The following PDE8A variants were observed in gnomAD, a reference collection of about 807,000 sequenced individuals.
PDE8A encodes phosphodiesterase 8A.
In PDE8A, 59 loss-of-function variants were observed where a neutral mutation model predicts 105.0. The ratio of observed to expected loss-of-function variants is 0.56; its 90% confidence interval spans 0.46 to 0.70. The LOEUF is 0.70. Ranked by LOEUF, PDE8A falls within the 30% of genes least tolerant of loss-of-function variation. The pLI is 0.00. For missense variants in PDE8A, 1,014 were observed against 1,045.9 expected, an observed-to-expected ratio of 0.97 and a Z score of 0.42; for synonymous variants, 355 against 371.9, an observed-to-expected ratio of 0.95 and a Z score of 0.52.
intron 20 of PDE8A, among the ~76,000 whole-genome samples, chr15:85,134,909 G>A (rs1800387942): frequency 6.6e-6 from 1 of 152,188 alleles, no homozygotes; most frequent in Admixed American, 6.5e-5. Context: ...ATGGGAGAAG[G>A]GTGACTGAGT....
In PDE8A at chr15:85,115,477, T is replaced by C; in HGVS notation, c.1389T>C (p.Leu463=). ...LRRLSGNEYV[L]STKNTQMVSS... is the part of the protein sequence containing the mutation. ...GACTATCAGGGAATGAATATGTTCT[T>C]TCAACAAAAAGTAAGTTTTTCCTTT... Residue 463 remains leucine, a synonymous_variant, in exon 15 of 22, where the codon CTT becomes CTC. Transcript: ENST00000394553. 6.6e-7 allele frequency: 1 copy of C among 1,515,834 alleles called. No homozygotes were observed. Among genetic ancestry groups the C allele is most frequent in the Non-Finnish European group, 8.9e-7 (1 of 1,124,810 alleles). 93.9% of individuals were successfully genotyped at this position (1,515,834 alleles called of 1,614,324 possible).
At chr15:85,131,556 T>G (rs566399417) in intron 20 of PDE8A, among the ~76,000 whole-genome samples, 2 of 152,254 alleles carry the variant, frequency 1.3e-5, no homozygotes, top group Non-Finnish European at 2.9e-5. Flanking sequence ...CACTCCATTT[T>G]GTAAATGTCA....
intron 5 of PDE8A, among the ~76,000 whole-genome samples, chr15:85,081,590 G>A (rs1299969200): frequency 1.3e-5 from 2 of 152,130 alleles, no homozygotes; most frequent in African/African-American, 4.8e-5. Context: ...GAGACTAACC[G>A]CTGTTTAAGC....
intron 16 of PDE8A, among the ~76,000 whole-genome samples, chr15:85,117,319 A>C (rs2082111468): frequency 6.6e-6 from 1 of 152,246 alleles, no homozygotes; most frequent in Non-Finnish European, 1.5e-5. Flanking sequence ...GGTTATTTTG[A>C]GGAACCCACT....
intron 1 of PDE8A, among the ~76,000 whole-genome samples, chr15:85,034,282 A>G (rs2080666438): frequency 6.6e-6 from 1 of 152,224 alleles, no homozygotes; most frequent in South Asian, 2.1e-4. Context: ...CTATGTTAGA[A>G]ATCAAGAAAG....
intron 1 of PDE8A, among the ~76,000 whole-genome samples, chr15:85,045,812 T>A (rs2080877839): frequency 6.6e-6 from 1 of 152,152 alleles, no homozygotes; most frequent in Non-Finnish European, 1.5e-5. Flanking sequence ...ATCACATTAT[T>A]TCTCTTTGTC....
intron 2 of PDE8A, among the ~76,000 whole-genome samples, chr15:85,064,773 C>T (rs922790348): frequency 6.6e-6 from 1 of 152,052 alleles, no homozygotes; most frequent in African/African-American, 2.4e-5. Flanking sequence ...TGAAACCAGC[C>T]TGGGCAACAT....
At chr15:85,066,418 G>A (rs931141929) in intron 2 of PDE8A, among the ~76,000 whole-genome samples, 2 of 151,834 alleles carry the variant, frequency 1.3e-5, no homozygotes, top group Non-Finnish European at 2.9e-5. Flanking sequence ...AAAATTAGCC[G>A]GGCATGTGGT....
intron 19 of PDE8A, 96 bp downstream of exon 19, chr15:85,123,289 T>G: frequency 8.7e-7 from 1 of 1,147,370 alleles, no homozygotes; most frequent in Non-Finnish European, 1.3e-6. Context: ...CACAGAAGGG[T>G]TCCCTCAGTG....
At chr15:84,988,034 G>A (rs2079831468) in intron 1 of PDE8A, among the ~76,000 whole-genome samples, 1 of 152,130 alleles carries the variant, frequency 6.6e-6, no homozygotes, top group African/African-American at 2.4e-5. Flanking sequence ...ATTAATAATA[G>A]CCACCATTTC....
At chr15:85,104,252 G>C (rs1360885849) in intron 11 of PDE8A, among the ~76,000 whole-genome samples, 4 of 152,150 alleles carry the variant, frequency 2.6e-5, no homozygotes, top group African/African-American at 9.7e-5. Context: ...TACCACACTG[G>C]AGAAAAGCTG....
At chr15:85,053,417 G>C (rs1300784570) in intron 1 of PDE8A, among the ~76,000 whole-genome samples, 3 of 152,178 alleles carry the variant, frequency 2.0e-5, no homozygotes, top group Non-Finnish European at 4.4e-5. Flanking sequence ...TGGGCAGTGT[G>C]GCCATTTTCA....
chr15:85,128,470 T>A (rs56344252), intron 20 of PDE8A, among the ~76,000 whole-genome samples: 13,390 of 152,186 alleles, frequency 0.088, 1,627 homozygotes, highest in African/African-American at 0.28. Flanking sequence ...CACTCCAACC[T>A]GGGTGACAGA....
chr15:85,015,609 G>T (rs1251018333), intron 1 of PDE8A, among the ~76,000 whole-genome samples: 8 of 152,102 alleles, frequency 5.3e-5, no homozygotes, highest in Non-Finnish European at 8.8e-5. Context: ...CCTTGCCATA[G>T]AATATTTTGT....
intron 1 of PDE8A, among the ~76,000 whole-genome samples, chr15:85,000,070 A>G (rs1326008378): frequency 6.6e-6 from 1 of 152,196 alleles, no homozygotes; most frequent in African/African-American, 2.4e-5. Flanking sequence ...TGGCTTTGGT[A>G]CTTATTTAGC....
intron 3 of PDE8A, among the ~76,000 whole-genome samples, chr15:85,074,196 A>G (rs1467801640): frequency 6.6e-6 from 1 of 152,190 alleles, no homozygotes; most frequent in Non-Finnish European, 1.5e-5. Context: ...AGCCTTTCTC[A>G]ACCTGGATTC....
intron 20 of PDE8A, among the ~76,000 whole-genome samples, chr15:85,128,725 G>A (rs540054465): frequency 1.3e-5 from 2 of 152,296 alleles, no homozygotes; most frequent in East Asian, 1.9e-4. Context: ...GCAAGTATTT[G>A]TCCAGACACT....
intron 1 of PDE8A, among the ~76,000 whole-genome samples, chr15:85,055,520 ATAGT>A (rs1283851288): frequency 6.6e-6 from 1 of 152,200 alleles, no homozygotes; most frequent in Non-Finnish European, 1.5e-5. Flanking sequence ...TATATTTAGG[ATAGT>A]TAGCTCTTCT....
chr15:84,984,140 G>T (rs748838935), intron 1 of PDE8A, among the ~76,000 whole-genome samples: 24 of 152,182 alleles, frequency 1.6e-4, no homozygotes, highest in Non-Finnish European at 3.1e-4. Flanking sequence ...ATTTCATAAA[G>T]CCTCCTATGT....
Sources: allele counts gnomAD v4.1 joint callset (sites outside exome capture counted in the v4.1 genomes callset), GRCh38; gene constraint gnomAD v4.1.1; transcripts MANE v1.5; gene names NCBI Gene and HGNC (gene_info 2026-07-23, HGNC 2026-07-21).